The following RALGAPB variants were observed in gnomAD, a reference collection of about 807,000 sequenced individuals.
RALGAPB encodes ral GTPase-activating protein subunit beta.
RALGAPB carries 25 observed loss-of-function variants against 161.1 expected under a neutral mutation model. The observed-to-expected ratio is 0.16, with a 90% CI of 0.11 to 0.22. The LOEUF (loss-of-function observed/expected upper bound fraction) is 0.22, where lower values mean the gene tolerates loss of function less well. Among genes scored for constraint, RALGAPB ranks in the 10% least tolerant of loss-of-function variants. The pLI is 1.00. For synonymous variants in RALGAPB, 629 were observed against 626.1 expected, an observed-to-expected ratio of 1.00 and a Z score of -0.07; for missense variants, 1,391 against 1,815.2, an observed-to-expected ratio of 0.77 and a Z score of 4.25.
chr20:38,558,827 G>A (rs540323158), intron 23 of RALGAPB, among the ~76,000 whole-genome samples: 1 of 152,310 alleles, frequency 6.6e-6, no homozygotes, highest in East Asian at 1.9e-4. Flanking sequence ...CATATAGCAC[G>A]CAGCTTCAAA....
At chr20:38,567,863 T>C (rs1010274574) in intron 26 of RALGAPB, among the ~76,000 whole-genome samples, 1 of 152,208 alleles carries the variant, frequency 6.6e-6, no homozygotes, top group African/African-American at 2.4e-5. Context: ...ACAGTGAAAG[T>C]TATTTTTAAT....
At chr20:38,528,210 T>C (rs367695272) in intron 13 of RALGAPB, among the ~76,000 whole-genome samples, 5 of 152,188 alleles carry the variant, frequency 3.3e-5, no homozygotes, top group East Asian at 1.9e-4. Flanking sequence ...TTGAAAGTAT[T>C]CCATAATATT....
chr20:38,570,951 G>A, intron 28 of RALGAPB, 104 bp downstream of exon 28: 1 of 727,614 alleles, frequency 1.4e-6, no homozygotes. Flanking sequence ...TAGACAACTA[G>A]AAATAAAAAC....
chr20:38,485,799 T>G (rs1324934033), intron 1 of RALGAPB, among the ~76,000 whole-genome samples: 1 of 152,182 alleles, frequency 6.6e-6, no homozygotes, highest in Non-Finnish European at 1.5e-5. Flanking sequence ...CATGTTTGTT[T>G]CTAATGTTTA....
At chr20:38,496,573 G>A (rs1345655975) in intron 3 of RALGAPB, among the ~76,000 whole-genome samples, 1 of 152,134 alleles carries the variant, frequency 6.6e-6, no homozygotes, top group Non-Finnish European at 1.5e-5. Context: ...GAAAGTGAGG[G>A]TAAGGGCTGG....
intron 1 of RALGAPB, among the ~76,000 whole-genome samples, chr20:38,476,211 T>G (rs984784668): frequency 6.6e-6 from 1 of 152,228 alleles, no homozygotes; most frequent in South Asian, 2.1e-4. Context: ...GTGACTCTAA[T>G]CATGATAGCT....
At chr20:38,570,481 C>T (rs113651943) in intron 27 of RALGAPB, among the ~76,000 whole-genome samples, 3 of 152,176 alleles carry the variant, frequency 2.0e-5, no homozygotes, top group African/African-American at 7.2e-5. Context: ...CCTAAAATCC[C>T]ATCCAGCCCA....
chr20:38,543,920 G>A (rs947943745), intron 18 of RALGAPB, among the ~76,000 whole-genome samples: 7 of 152,182 alleles, frequency 4.6e-5, no homozygotes, highest in Admixed American at 3.3e-4. Flanking sequence ...CATGTGATCC[G>A]TGCTAGTGTT....
At position 38,565,449 on chromosome 20, in the gene RALGAPB, T is replaced by A. The variant is rs1420803059; in HGVS notation, c.3788T>A (p.Phe1263Tyr). ...GCTGATGCCCTTACAGAAATTGCTTTTGTGGTTCCTTCTCCTGTGGAGTCC... is the reference window on the plus strand; with the variant it reads ...GCTGATGCCCTTACAGAAATTGCTTATGTGGTTCCTTCTCCTGTGGAGTCC... The part of the protein sequence containing the change: ...YYADALTEIA[F>Y]VVPSPVESLT... Residue 1263 changes from phenylalanine (F) to tyrosine (Y), a missense_variant, in exon 25 of 30, where the codon TTT (phenylalanine) becomes TAT (tyrosine). This residue lies in a region of RALGAPB where 436 missense variants were observed against 527.0 expected (regional missense o/e 0.83). Transcript: ENST00000262879. 2.5e-6 allele frequency: 4 copies of A among 1,613,700 alleles called. No individual in the cohort carries two copies. Among genetic ancestry groups the A allele is most frequent in the Non-Finnish European group, 1.7e-6 (2 of 1,179,706 alleles).
intron 15 of RALGAPB, among the ~76,000 whole-genome samples, chr20:38,534,150 A>T (rs1311067447): frequency 6.6e-6 from 1 of 151,818 alleles, no homozygotes; most frequent in African/African-American, 2.4e-5. Context: ...AAAAAAAAAA[A>T]AAAAAACAGA....
At chr20:38,559,812 T>G (rs1306881837) in intron 23 of RALGAPB, among the ~76,000 whole-genome samples, 2 of 152,240 alleles carry the variant, frequency 1.3e-5, no homozygotes, top group African/African-American at 4.8e-5. Context: ...GAGAGCAAAA[T>G]GGCAGGAGAC....
intron 1 of RALGAPB, among the ~76,000 whole-genome samples, chr20:38,479,261 A>G (rs1244448639): frequency 6.6e-6 from 1 of 152,204 alleles, no homozygotes; most frequent in African/African-American, 2.4e-5. Context: ...TGTTTGTTTA[A>G]TGAAATAACT....
chr20:38,505,511 A>G (rs1482534242), intron 5 of RALGAPB, among the ~76,000 whole-genome samples: 1 of 152,228 alleles, frequency 6.6e-6, no homozygotes, highest in Non-Finnish European at 1.5e-5. Context: ...CAGTATACCC[A>G]GATAACCTGC....
chr20:38,502,171 A>G (rs73905625), intron 5 of RALGAPB, among the ~76,000 whole-genome samples: 1,589 of 152,310 alleles, frequency 0.01, 21 homozygotes, highest in African/African-American at 0.036. Flanking sequence ...TCCTGTTGCT[A>G]TTGCAATGAG....
intron 20 of RALGAPB, among the ~76,000 whole-genome samples, chr20:38,550,240 CAT>C (rs1483900398): frequency 1.3e-5 from 2 of 152,114 alleles, no homozygotes; most frequent in African/African-American, 4.8e-5. Context: ...CACATGTATA[CAT>C]ATTTAACTAA....
chr20:38,572,328 C>T (rs2088270959), intron 28 of RALGAPB, among the ~76,000 whole-genome samples: 1 of 152,102 alleles, frequency 6.6e-6, no homozygotes, highest in South Asian at 2.1e-4. Context: ...TCAAGGTTTG[C>T]TTACTTGTTT....
intron 18 of RALGAPB, among the ~76,000 whole-genome samples, chr20:38,543,189 A>G (rs1038741962): frequency 1.3e-5 from 2 of 152,198 alleles, no homozygotes; most frequent in Admixed American, 6.5e-5. Context: ...AACTGTCATC[A>G]TGAAACGTGT....
chr20:38,553,433 G>T (rs1601032365), intron 21 of RALGAPB, among the ~76,000 whole-genome samples: 1 of 152,058 alleles, frequency 6.6e-6, no homozygotes, highest in Non-Finnish European at 1.5e-5. Flanking sequence ...CCCCTTTCTT[G>T]CCTATTTGAA....
chr20:38,490,805 C>A (rs1031420703), intron 2 of RALGAPB, among the ~76,000 whole-genome samples: 8 of 151,628 alleles, frequency 5.3e-5, no homozygotes, highest in African/African-American at 1.9e-4. Flanking sequence ...CCACTGCACC[C>A]GGCCAATTTT....
Sources: allele counts gnomAD v4.1 joint callset (sites outside exome capture counted in the v4.1 genomes callset), GRCh38; gene constraint gnomAD v4.1.1; regional missense constraint gnomAD v4.1.1; transcripts MANE v1.5; gene names NCBI Gene and HGNC (gene_info 2026-07-23, HGNC 2026-07-21).